Variants in LEPROT observed in about 807,000 individuals in gnomAD.
The protein encoded by LEPROT is leptin receptor gene-related protein.
Under a neutral mutation model 15.4 loss-of-function variants are expected in LEPROT, and 3 were observed. That is an observed-to-expected ratio of 0.19 (90% CI 0.09 to 0.50). LEPROT has a LOEUF of 0.50. Ranked by LOEUF, LEPROT falls within the 20% of genes least tolerant of loss-of-function variation. The pLI, the probability that LEPROT is intolerant of heterozygous loss-of-function variation, is 0.97. For synonymous variants in LEPROT, 59 were observed against 57.5 expected (o/e 1.03, Z -0.12); for missense variants, 137 against 162.2 (o/e 0.84, Z 0.84).
intron 1 of LEPROT, among the ~76,000 whole-genome samples, chr1:65,422,085 T>C (rs1646262364): frequency 6.6e-6 from 1 of 152,170 alleles, no homozygotes; most frequent in African/African-American, 2.4e-5. Flanking sequence ...TTGGATTTTG[T>C]CCTCCAAAAA....
intron 1 of LEPROT, among the ~76,000 whole-genome samples, chr1:65,424,975 G>A (rs1016049797): frequency 2.6e-5 from 4 of 152,106 alleles, no homozygotes; most frequent in Admixed American, 6.5e-5. Context: ...AGTCTGTAAC[G>A]GGTCAAATGT....
chr1:65,432,526 A>T lies in LEPROT; in HGVS notation c.*607A>T. The T allele has an allele frequency of 1.3e-6, 1 of 773,282 alleles. No individual in the cohort carries two copies. The highest frequency in any genetic ancestry group is 1.6e-6 in the Non-Finnish European group (1 of 636,692). 47.9% of individuals were successfully genotyped at this position (773,282 alleles called of 1,614,324 possible). On this transcript the variant is annotated 3_prime_UTR_variant, in exon 4 of 4. Transcript: ENST00000371065. ...CAACTTCCTTATCTTTCCAGTGGCT[A>T]AACCACTTAACCTCTCTGGGTGTTA...
intron 3 of LEPROT, among the ~76,000 whole-genome samples, chr1:65,430,529 T>C (rs571375350): frequency 9.8e-5 from 15 of 152,330 alleles, no homozygotes; most frequent in Admixed American, 9.1e-4. Context: ...AGACAAAAAC[T>C]TTCTTTTTGT....
At chr1:65,420,862 C>T in intron 1 of LEPROT, 122 bp downstream of exon 1, 2 of 1,261,724 alleles carry the variant, frequency 1.6e-6, no homozygotes, top group South Asian at 1.3e-5. Flanking sequence ...TCCCGCCTCT[C>T]CGGTTCGGGA....
chr1:65,435,689 G>A lies in LEPROT; in HGVS notation c.*3770G>A. 1 of 985,414 alleles carries A rather than the reference G, an allele frequency of 1.0e-6. No individual in the cohort carries two copies. The highest frequency in any genetic ancestry group is 4.7e-5 in the South Asian group (1 of 21,288). The allele number at this position is 985,414 out of a possible 1,614,324, so 61.0% of individuals were successfully genotyped here. A position where few individuals can be genotyped will look rare whatever the true frequency, so the allele number is the denominator to read the frequency against. ...GCCAAAATGTGCCTTTGCAAAGTTT[G>A]CGAAATCAGATTTTGTATCCCAATA... On this transcript the variant is annotated 3_prime_UTR_variant, in exon 4 of 4. Transcript: ENST00000371065.
Position 65,434,656 on chromosome 1 carries a change from C to G in LEPROT, c.*2737C>G. 1.0e-6 allele frequency: 1 copy of G among 985,326 alleles called. No homozygotes were observed. Among genetic ancestry groups the G allele is most frequent in the African/African-American group, 1.7e-5 (1 of 57,318 alleles). 61.0% of individuals were successfully genotyped at this position (985,326 alleles called of 1,614,324 possible). On this transcript the variant is annotated 3_prime_UTR_variant, in exon 4 of 4. Coordinates refer to ENST00000371065, the MANE Select transcript of LEPROT (RefSeq NM_017526.5). ...GAGGAAGGACAGTGCAACTTTCCAC[C>G]CCTTTTCCTAAGAACAAGGTCTTTC...
chr1:65,428,308 C>G (rs928851403), intron 2 of LEPROT, among the ~76,000 whole-genome samples: 1 of 152,154 alleles, frequency 6.6e-6, no homozygotes, highest in African/African-American at 2.4e-5. Flanking sequence ...TTTCACAAAA[C>G]TGTCACTGTA....
chr1:65,426,763 C>G (rs141193937), intron 2 of LEPROT, among the ~76,000 whole-genome samples: 1 of 152,170 alleles, frequency 6.6e-6, no homozygotes, highest in Non-Finnish European at 1.5e-5. Context: ...CTTTGGGAGG[C>G]TGAGGCGGGC....
chr1:65,429,489 A>G (rs1272784192), intron 2 of LEPROT, among the ~76,000 whole-genome samples: 1 of 152,226 alleles, frequency 6.6e-6, no homozygotes, highest in Non-Finnish European at 1.5e-5. Flanking sequence ...GCATGCGTGC[A>G]CTCAAAAGAT....
rs1646523331 is a variant in LEPROT at position 65,433,987 on chromosome 1, A to G, written c.*2068A>G. On this transcript the variant is annotated 3_prime_UTR_variant, in exon 4 of 4. Coordinates refer to ENST00000371065, the MANE Select transcript of LEPROT (RefSeq NM_017526.5). ...TTGGTGTGCAATAGCTTTTCTTTCT[A>G]AGATGGCAATAATGATTCATTTCTA... The G allele has an allele frequency of 1.0e-6, 1 of 985,368 alleles. No individual in the cohort carries two copies. The allele number at this position is 985,368 out of a possible 1,614,324, so 61.0% of individuals were successfully genotyped here. A position where few individuals can be genotyped will look rare whatever the true frequency, so the allele number is the denominator to read the frequency against.
At chr1:65,425,033 C>CT (rs538402774) in intron 1 of LEPROT, among the ~76,000 whole-genome samples, 1 of 152,110 alleles carries the variant, frequency 6.6e-6, no homozygotes, top group South Asian at 2.1e-4. Context: ...AATTTGGGAC[C>CT]TTTTTTTCTT....
At position 65,432,263 on chromosome 1, in the gene LEPROT, A is replaced by G; in HGVS notation, c.*344A>G. The G allele has an allele frequency of 1.0e-6, 1 of 1,002,890 alleles. No homozygotes were observed. Among genetic ancestry groups the G allele is most frequent in the Non-Finnish European group, 1.2e-6 (1 of 841,110 alleles). The allele number at this position is 1,002,890 out of a possible 1,614,324, so 62.1% of individuals were successfully genotyped here. A position where few individuals can be genotyped will look rare whatever the true frequency, so the allele number is the denominator to read the frequency against. ...GGGGATGTGCTTGGAGAGGCAGATAACGCTGAAGCAGGCCTCTCATGACCC... is the reference window on the plus strand; with the variant it reads ...GGGGATGTGCTTGGAGAGGCAGATAGCGCTGAAGCAGGCCTCTCATGACCC... On this transcript the variant is annotated 3_prime_UTR_variant, in exon 4 of 4. Coordinates refer to ENST00000371065, the MANE Select transcript of LEPROT (RefSeq NM_017526.5).
rs1646541820 is a variant in LEPROT at position 65,435,219 on chromosome 1, TC to T, written c.*3301del. 1 of 985,338 alleles carries T rather than the reference TC, an allele frequency of 1.0e-6. No individual in the cohort carries two copies. The highest frequency in any genetic ancestry group is 1.2e-6 in the Non-Finnish European group (1 of 829,946). 61.0% of individuals were successfully genotyped at this position (985,338 alleles called of 1,614,324 possible). A position where few individuals can be genotyped will look rare whatever the true frequency, so the allele number is the denominator to read the frequency against. ...TTCCACTTAAGAACTCATAGATTTT[TC>T]TTACTGTCCTAAGGAAGTCCTTACC... On this transcript the variant is annotated 3_prime_UTR_variant, in exon 4 of 4. Coordinates refer to ENST00000371065, the MANE Select transcript of LEPROT (RefSeq NM_017526.5).
At chr1:65,428,381 C>G (rs947405389) in intron 2 of LEPROT, among the ~76,000 whole-genome samples, 2 of 152,096 alleles carry the variant, frequency 1.3e-5, no homozygotes, top group African/African-American at 4.8e-5. Flanking sequence ...ATTCCAAACC[C>G]CTTCCCCTCT....
At chr1:65,424,073 C>T (rs1646308850) in intron 1 of LEPROT, among the ~76,000 whole-genome samples, 1 of 152,140 alleles carries the variant, frequency 6.6e-6, no homozygotes, top group Non-Finnish European at 1.5e-5. Context: ...CAGATGGTGG[C>T]AGAGTTAAGA....
chr1:65,427,403 A>C (rs780713618), intron 2 of LEPROT, among the ~76,000 whole-genome samples: 6 of 152,110 alleles, frequency 3.9e-5, no homozygotes, highest in Non-Finnish European at 7.4e-5. Context: ...GTGAGACCCC[A>C]TTCTACAAAA....
intron 3 of LEPROT, 91 bp downstream of exon 3, chr1:65,430,139 A>T: frequency 8.6e-7 from 1 of 1,167,840 alleles, no homozygotes; most frequent in Non-Finnish European, 1.2e-6. Context: ...CTCATTACTT[A>T]GGCTTTATAC....
Position 65,431,784 on chromosome 1 carries a change from T to A in LEPROT, c.280-19T>A. 1.2e-6 allele frequency: 2 copies of A among 1,608,096 alleles called. No individual in the cohort carries two copies. Among genetic ancestry groups the A allele is most frequent in the Non-Finnish European group, 1.7e-6 (2 of 1,178,128 alleles). ...TATGAAGGAAGTAAGGATTTAATCC[T>A]TCTTTTCTTGTCTTTCAGATCAAAT... is the stretch of plus-strand genomic sequence containing the variant. On this transcript the variant is annotated intron_variant, in intron 3 of 3. Coordinates refer to ENST00000371065, the MANE Select transcript of LEPROT (RefSeq NM_017526.5).
intron 1 of LEPROT, 63 bp from the exon 2 acceptor site, chr1:65,425,240 A>G (rs185774982): frequency 6.1e-5 from 88 of 1,444,844 alleles, no homozygotes; most frequent in African/African-American, 5.7e-4. Flanking sequence ...CATTTCCCCA[A>G]ACCCTCTAGT....
Sources: gnomAD v4.1 joint callset for allele counts (sites outside exome capture counted in the v4.1 genomes callset) on GRCh38, gnomAD v4.1.1 for gene constraint, MANE v1.5 for transcripts, NCBI Gene and HGNC (gene_info 2026-07-23, HGNC 2026-07-21) for gene names.